The following NDOR1 variants were observed in gnomAD, a reference collection of about 807,000 sequenced individuals.
The protein encoded by NDOR1 is NADPH-dependent diflavin oxidoreductase 1.
In NDOR1, 61 loss-of-function variants were observed where a neutral mutation model predicts 67.2. That is an observed-to-expected ratio of 0.91 (90% CI 0.74 to 1.12). The LOEUF (loss-of-function observed/expected upper bound fraction) is 1.12, where lower values mean the gene tolerates loss of function less well. NDOR1 is among the 50% of genes most tolerant of loss of function. The pLI is 0.00. For synonymous variants in NDOR1, 378 were observed against 343.7 expected (o/e 1.10, Z -1.10); for missense variants, 878 against 802.8 (o/e 1.09, Z -1.13).
rs541955064 is a variant in NDOR1, at chr9:137,216,627, C to A, written c.*211C>A. On this transcript the variant is annotated 3_prime_UTR_variant, in exon 14 of 14. Coordinates refer to ENST00000684003, the MANE Select transcript of NDOR1 (RefSeq NM_014434.4). ...CCCACTGCAGCCTCTGCCCAGCCAG[C>A]CCTGCGCTCCCCCACCCTGACAGTG... 218 of 619,372 alleles carry A rather than the reference C, an allele frequency of 3.5e-4. No individual in the cohort carries two copies. In the South Asian group the frequency reaches 4.1e-3, roughly 12 times the overall value. The allele number at this position is 619,372 out of a possible 1,614,324, so 38.4% of individuals were successfully genotyped here.
At position 137,216,601 on chromosome 9, in the gene NDOR1, C is replaced by T; in HGVS notation, c.*185C>T. On this transcript the variant is annotated 3_prime_UTR_variant, in exon 14 of 14. Transcript: ENST00000684003. Reference sequence around the variant, plus strand: ...CCTGGATCCCACCCTTTGAGCCTGACCCCACTGCAGCCTCTGCCCAGCCAG... The same window carrying T: ...CCTGGATCCCACCCTTTGAGCCTGATCCCACTGCAGCCTCTGCCCAGCCAG... 2 of 758,734 alleles carry T rather than the reference C, an allele frequency of 2.6e-6. No individual in the cohort carries two copies. The highest frequency in any genetic ancestry group is 4.1e-6 in the Non-Finnish European group (2 of 483,242). 47.0% of individuals were successfully genotyped at this position (758,734 alleles called of 1,614,324 possible).
chr9:137,215,699 G>C lies in NDOR1; in HGVS notation c.1329G>C (p.Leu443=). 6.3e-7 allele frequency: 1 copy of C among 1,591,982 alleles called. No individual in the cohort carries two copies. The highest frequency in any genetic ancestry group is 8.6e-7 in the Non-Finnish European group (1 of 1,167,956). Residue 443 remains leucine (L), a synonymous_variant, in exon 11 of 14, where the codon CTG becomes CTC. Transcript: ENST00000684003. The part of the protein sequence containing the change: ...RVPLWVRPGS[L]AFPETPDTPV... ...CCCTCTGGGTGCGGCCTGGGAGTCT[G>C]GCCTTCCCAGAGACACCAGACACAC... is the stretch of plus-strand genomic sequence containing the variant.
In NDOR1 at chr9:137,215,467, G is replaced by A. The variant is rs1486208107; in HGVS notation, c.1234G>A (p.Glu412Lys). 10 of 1,613,324 alleles carry A rather than the reference G, an allele frequency of 6.2e-6. No individual in the cohort carries two copies. Among genetic ancestry groups the A allele is most frequent in the African/African-American group, 2.7e-5 (2 of 74,916 alleles). ...AGTGCAGTTCCAGACTCGCCTCAAG[G>A]AGCCCCGCCGGGGCCTCTGCTCCTC... ...AVVQFQTRLKEPRRGLCSSWL... is the reference protein window; with the variant it reads ...AVVQFQTRLKKPRRGLCSSWL... Residue 412 changes from glutamate (E) to lysine (K), a missense_variant, in exon 10 of 14, where the codon GAG becomes AAG. Glu to Lys is a moderately conservative substitution (Grantham distance 56, BLOSUM62 1). Transcript: ENST00000684003.
intron 2 of NDOR1, among the ~76,000 whole-genome samples, chr9:137,211,943 C>A (rs996374462): frequency 6.6e-6 from 1 of 152,028 alleles, no homozygotes; most frequent in Non-Finnish European, 1.5e-5. Flanking sequence ...AGGATCTGGA[C>A]CCTGTTGGCT....
In NDOR1 at chr9:137,215,470, C is replaced by T. The variant is rs1188390433; in HGVS notation, c.1237C>T (p.Pro413Ser). The T allele has an allele frequency of 1.9e-6, 3 of 1,613,458 alleles. No homozygotes were observed. The highest frequency in any genetic ancestry group is 1.7e-5 in the Admixed American group (1 of 60,022). Residue 413 changes from proline to serine, a missense_variant, in exon 10 of 14, where the codon CCC (proline) becomes TCC (serine). Pro to Ser is a moderately conservative substitution (Grantham distance 74, BLOSUM62 -1). Coordinates refer to ENST00000684003, the MANE Select transcript of NDOR1 (RefSeq NM_014434.4). ...VVQFQTRLKE[P>S]RRGLCSSWLA... ...GCAGTTCCAGACTCGCCTCAAGGAG[C>T]CCCGCCGGGGCCTCTGCTCCTCCTG... is the stretch of plus-strand genomic sequence containing the variant.
At chr9:137,215,303 T>C in intron 9 of NDOR1, 101 bp downstream of exon 9, 5 of 1,528,152 alleles carry the variant, frequency 3.3e-6, no homozygotes, top group Non-Finnish European at 4.5e-6. Context: ...CCAGGTGACG[T>C]TCCCCCAGTC....
chr9:137,211,408 CA>C lies in NDOR1; in HGVS notation c.214-1093del, dbSNP rs201981291. ...TAGCCTCTGGGGACAGAGTGCCCTACACACCCCAAGGGCAGCAAGTGGGGCC... is the reference window on the plus strand; with the variant it reads ...TAGCCTCTGGGGACAGAGTGCCCTACCACCCCAAGGGCAGCAAGTGGGGCC... On this transcript the variant is annotated intron_variant, in intron 2 of 13. Coordinates refer to ENST00000684003, the MANE Select transcript of NDOR1 (RefSeq NM_014434.4). 9.0e-3 allele frequency among the ~76,000 whole-genome samples: 1,369 copies of C among 152,288 alleles called. 28 individuals carry two copies. Among genetic ancestry groups the C allele is most frequent in the African/African-American group, 0.032 (1,335 of 41,560 alleles).
Position 137,212,725 on chromosome 9 carries a change from TACTGGCTTCTC to T in NDOR1, c.311+127_311+137del, listed in dbSNP as rs1835324088. ...GCGCGCCTCAGGGCCCTCGCAGTGG[TACTGGCTTCTC>T]CACAACGCTCCCTGGTGGGCACCCC... On this transcript the variant is annotated intron_variant, in intron 3 of 13. Transcript: ENST00000684003. This position sits in a 1 kb window ranked among gnomAD's most constrained non-coding sequence, Gnocchi z 4.3. The T allele has an allele frequency of 1.2e-6, 1 of 817,742 alleles. No homozygotes were observed. The highest frequency in any genetic ancestry group is 1.7e-5 in the African/African-American group (1 of 59,712). 50.7% of individuals were successfully genotyped at this position (817,742 alleles called of 1,614,324 possible).
chr9:137,216,433 T>C lies in NDOR1; in HGVS notation c.*17T>C, dbSNP rs1344685981. On this transcript the variant is annotated 3_prime_UTR_variant, in exon 14 of 14. Transcript: ENST00000684003. ...TGGGCCTGAGGCCCGCGGCTGCCCG[T>C]GCCCCCTCTGACAGCCATCCTCCTG... 6.3e-7 allele frequency: 1 copy of C among 1,589,092 alleles called. No homozygotes were observed. The highest frequency in any genetic ancestry group is 1.3e-5 in the African/African-American group (1 of 74,524).
At chr9:137,208,143 CAAAA>C (rs34327783) in intron 2 of NDOR1, among the ~76,000 whole-genome samples, 4 of 57,094 alleles carry the variant, frequency 7.0e-5, no homozygotes, top group Admixed American at 2.1e-4. Context: ...TAGACTCTGT[CAAAA>C]AAAAAAAAAA....
chr9:137,218,259 G>A lies in NDOR1; in HGVS notation c.*1843G>A, dbSNP rs770144364. The A allele has an allele frequency of 6.5e-5, 26 of 398,186 alleles. No homozygotes were observed. The highest frequency in any genetic ancestry group is 2.6e-4 in the Admixed American group (6 of 22,706). The allele number at this position is 398,186 out of a possible 1,614,324, so 24.7% of individuals were successfully genotyped here. ...CCCGTGCTGGAATGGGAGATCTGCC[G>A]GCTACAGGAGGAGCTGCTACAGGCC... On this transcript the variant is annotated 3_prime_UTR_variant, in exon 14 of 14. Transcript: ENST00000684003.
intron 9 of NDOR1, 40 bp from the exon 10 acceptor site, chr9:137,215,367 C>T: frequency 1.3e-6 from 2 of 1,592,576 alleles, no homozygotes; most frequent in Non-Finnish European, 8.6e-7. Flanking sequence ...CAGGTGAGGG[C>T]AGCCTTGTTC....
At chr9:137,213,640 G>A (rs1379189483) in intron 3 of NDOR1, 140 bp from the exon 4 acceptor site, 9 of 833,976 alleles carry the variant, frequency 1.1e-5, no homozygotes, top group Admixed American at 5.8e-5. Context: ...TGCGGCCAGC[G>A]TGGAGTGTGT....
At position 137,217,961 on chromosome 9, in the gene NDOR1, A is replaced by G. The variant is rs940582320; in HGVS notation, c.*1545A>G. The G allele has an allele frequency of 5.0e-6, 2 of 398,546 alleles. No homozygotes were observed. Among genetic ancestry groups the G allele is most frequent in the African/African-American group, 4.1e-5 (2 of 48,600 alleles). 24.7% of individuals were successfully genotyped at this position (398,546 alleles called of 1,614,324 possible). A position where few individuals can be genotyped will look rare whatever the true frequency, so the allele number is the denominator to read the frequency against. ...CCTTGGGCACCCCCAAGGTGCTGAG[A>G]CTACAGCCAGTGAGCCCCTGCTGGG... On this transcript the variant is annotated 3_prime_UTR_variant, in exon 14 of 14. Coordinates refer to ENST00000684003, the MANE Select transcript of NDOR1 (RefSeq NM_014434.4).
In NDOR1 at chr9:137,212,485, GT is replaced by G; in HGVS notation, c.214-14del. 1 of 1,611,658 alleles carries G rather than the reference GT, an allele frequency of 6.2e-7. No individual in the cohort carries two copies. The highest frequency in any genetic ancestry group is 8.5e-7 in the Non-Finnish European group (1 of 1,177,746). ...TAGAGGTCGAGGACTCTGACTCAGA[GT>G]TTCCTCCGGCTGTAGAACTTCTGGA... On this transcript the variant is annotated splice_polypyrimidine_tract_variant and intron_variant, in intron 2 of 13. Coordinates refer to ENST00000684003, the MANE Select transcript of NDOR1 (RefSeq NM_014434.4). This position sits in a 1 kb window ranked among gnomAD's most constrained non-coding sequence, Gnocchi z 4.3.
chr9:137,213,177 C>T (rs1031242652), intron 3 of NDOR1, among the ~76,000 whole-genome samples: 2 of 152,234 alleles, frequency 1.3e-5, no homozygotes, highest in Non-Finnish European at 2.9e-5. Context: ...CAGCTCCCCC[C>T]GGTTCTGCCG....
At chr9:137,216,221 C>G in intron 13 of NDOR1, 33 bp downstream of exon 13, 8 of 1,613,076 alleles carry the variant, frequency 5.0e-6, no homozygotes, top group Non-Finnish European at 6.8e-6. Context: ...GGAGTGGGCC[C>G]AGCCCCTGAG....
intron 2 of NDOR1, among the ~76,000 whole-genome samples, chr9:137,207,001 T>G (rs1440410929): frequency 6.6e-6 from 1 of 151,790 alleles, no homozygotes; most frequent in African/African-American, 2.4e-5. Context: ...GTGGCCAAGC[T>G]GAGGAGTACA....
rs1445952013 is a variant in NDOR1 at position 137,215,730 on chromosome 9, A to G, written c.1360A>G (p.Ile454Val). Residue 454 changes from isoleucine (I) to valine (V), a missense_variant, in exon 11 of 14, where the codon ATC becomes GTC. Coordinates refer to ENST00000684003, the MANE Select transcript of NDOR1 (RefSeq NM_014434.4). ...CCCAGAGACACCAGACACACCTGTG[A>G]TCATGGTGGGGCCTGGCACTGGGGT... is the stretch of plus-strand genomic sequence containing the variant. ...AFPETPDTPV[I>V]MVGPGTGVAP... The G allele has an allele frequency of 1.2e-6, 2 of 1,602,990 alleles. No homozygotes were observed. Among genetic ancestry groups the G allele is most frequent in the Non-Finnish European group, 1.7e-6 (2 of 1,173,660 alleles).
Sources: gnomAD v4.1 joint callset for allele counts (sites outside exome capture counted in the v4.1 genomes callset) on GRCh38, gnomAD v4.1.1 for gene constraint, Gnocchi (gnomAD v3.1) non-coding constraint, MANE v1.5 for transcripts, NCBI Gene and HGNC (gene_info 2026-07-23, HGNC 2026-07-21) for gene names.